RAB27B: variants seen among roughly 807,000 people sequenced by gnomAD.
RAB27B encodes the protein ras-related protein Rab-27B.
A neutral mutation model predicts 24.6 loss-of-function variants in RAB27B; 15 were observed. The ratio of observed to expected loss-of-function variants is 0.61; its 90% CI spans 0.41 to 0.94. The LOEUF (loss-of-function observed/expected upper bound fraction) is 0.94. Ranked by LOEUF, RAB27B falls within the 40% of genes least tolerant of loss-of-function variation. The pLI is 0.00. For synonymous variants in RAB27B, 105 were observed against 92.5 expected (o/e 1.14, Z -0.78); for missense variants, 261 against 266.8 (o/e 0.98, Z 0.15).
chr18:54,788,958 G>C (rs1271836093), intron 2 of RAB27B, among the ~76,000 whole-genome samples: 2 of 152,136 alleles, frequency 1.3e-5, no homozygotes, highest in Non-Finnish European at 1.5e-5. Context: ...GTGTTTAAGA[G>C]GTCACTGAAA....
chr18:54,787,728 T>TAAA (rs1263474028), intron 2 of RAB27B, among the ~76,000 whole-genome samples: 2 of 140,884 alleles, frequency 1.4e-5, no homozygotes, highest in African/African-American at 5.2e-5. Context: ...CTGACTGGAT[T>TAAA]AAAAAAAAAA....
rs577700726 is a variant in RAB27B at position 54,733,611 on chromosome 18, G to T, written c.-20+15470G>T. ...ACATTCCGTCCACTAGATTTTTCCTGTAGTACCTATAAATTTAGGTGAAAT... is the reference window on the plus strand; with the variant it reads ...ACATTCCGTCCACTAGATTTTTCCTTTAGTACCTATAAATTTAGGTGAAAT... On this transcript the variant is annotated intron_variant, in intron 2 of 4. Coordinates refer to the RAB27B transcript ENST00000586570. 4.1e-5 allele frequency among the ~76,000 whole-genome samples: 6 copies of T among 146,584 alleles called. No homozygotes were observed. The East Asian group carries it at 1.2e-3, about 30-fold the overall frequency.
chr18:54,813,824 C>T (rs542959944), intron 2 of RAB27B, among the ~76,000 whole-genome samples: 1 of 152,132 alleles, frequency 6.6e-6, no homozygotes, highest in African/African-American at 2.4e-5. Context: ...TTCAACATCC[C>T]CAGGTTATCA....
intron 2 of RAB27B, among the ~76,000 whole-genome samples, chr18:54,735,859 A>G (rs1909877336): frequency 6.6e-6 from 1 of 152,146 alleles, no homozygotes; most frequent in Non-Finnish European, 1.5e-5. Flanking sequence ...ATTTAAAAGT[A>G]AAATTAGGTA....
At chr18:54,788,253 A>C (rs145381130) in intron 2 of RAB27B, among the ~76,000 whole-genome samples, 204 of 152,314 alleles carry the variant, frequency 1.3e-3, no homozygotes, top group Non-Finnish European at 2.3e-3. Flanking sequence ...CTAATTGTAC[A>C]TGGTACTAAA....
chr18:54,778,527 A>G (rs761040205), intron 2 of RAB27B, among the ~76,000 whole-genome samples: 1 of 152,198 alleles, frequency 6.6e-6, no homozygotes, highest in Admixed American at 6.5e-5. Flanking sequence ...CGCTGAGCCC[A>G]TTTGTACTGA....
chr18:54,824,891 C>A (rs1299371555), upstream of RAB27B, among the ~76,000 whole-genome samples: 2 of 152,080 alleles, frequency 1.3e-5, no homozygotes, highest in East Asian at 1.9e-4. Flanking sequence ...GCCTGCTTCA[C>A]ACTTATTGCT....
intron 2 of RAB27B, among the ~76,000 whole-genome samples, chr18:54,803,809 A>T (rs1909684587): frequency 6.6e-6 from 1 of 152,170 alleles, no homozygotes; most frequent in Non-Finnish European, 1.5e-5. Flanking sequence ...CACTGGGTTG[A>T]TGATAATTTG....
intron 2 of RAB27B, among the ~76,000 whole-genome samples, chr18:54,809,415 G>A (rs917628734): frequency 1.3e-5 from 2 of 152,176 alleles, no homozygotes; most frequent in African/African-American, 2.4e-5. Context: ...GCCTCAGGGA[G>A]CACCTAGTCC....
chr18:54,776,543 A>G (rs1329379896), intron 2 of RAB27B, among the ~76,000 whole-genome samples: 3 of 152,216 alleles, frequency 2.0e-5, no homozygotes, highest in African/African-American at 7.2e-5. Context: ...TGCGTAAAAC[A>G]GACAACTTCT....
At chr18:54,886,431 G>T (rs184971410) in intron 4 of RAB27B, among the ~76,000 whole-genome samples, 460 of 151,992 alleles carry the variant, frequency 3.0e-3, no homozygotes, top group Non-Finnish European at 4.7e-3. Context: ...ATGCAAAATT[G>T]ATAATGTATT....
At chr18:54,838,301 G>A (rs1224202128) in intron 1 of RAB27B, among the ~76,000 whole-genome samples, 3 of 152,086 alleles carry the variant, frequency 2.0e-5, no homozygotes, top group African/African-American at 4.8e-5. Flanking sequence ...TGAAAAACAT[G>A]TCAAATGATT....
chr18:54,775,791 T>G (rs929214836), intron 2 of RAB27B, among the ~76,000 whole-genome samples: 1 of 152,200 alleles, frequency 6.6e-6, no homozygotes, highest in Non-Finnish European at 1.5e-5. Context: ...ACCTAGCCAA[T>G]TTCTAATATT....
At chr18:54,848,326 G>C (rs1289851372) in intron 1 of RAB27B, among the ~76,000 whole-genome samples, 1 of 152,122 alleles carries the variant, frequency 6.6e-6, no homozygotes, top group East Asian at 1.9e-4. Context: ...TGCATTATCA[G>C]CAATTTTTGC....
At chr18:54,761,904 G>T (rs1371002052) in intron 2 of RAB27B, among the ~76,000 whole-genome samples, 1 of 152,128 alleles carries the variant, frequency 6.6e-6, no homozygotes, top group Non-Finnish European at 1.5e-5. Flanking sequence ...CTTTATTTGG[G>T]ATTAAGTCTT....
At chr18:54,832,194 G>T (rs562872008) in intron 1 of RAB27B, among the ~76,000 whole-genome samples, 1 of 152,272 alleles carries the variant, frequency 6.6e-6, no homozygotes, top group South Asian at 2.1e-4. Context: ...CAGTGGCAAA[G>T]ATTAGGGTCA....
chr18:54,719,947 G>A (rs1909307273), intron 2 of RAB27B, among the ~76,000 whole-genome samples: 1 of 151,990 alleles, frequency 6.6e-6, no homozygotes, highest in African/African-American at 2.4e-5. Flanking sequence ...TTCATTTTAT[G>A]TTAAGTATAA....
chr18:54,785,171 G>T (rs183038709), intron 2 of RAB27B, among the ~76,000 whole-genome samples: 1 of 151,678 alleles, frequency 6.6e-6, no homozygotes, highest in South Asian at 2.1e-4. Context: ...GCAAAATCTC[G>T]GCTCACTGCA....
intron 2 of RAB27B, among the ~76,000 whole-genome samples, chr18:54,778,481 T>C (rs1908785555): frequency 6.6e-6 from 1 of 152,208 alleles, no homozygotes; most frequent in Non-Finnish European, 1.5e-5. Flanking sequence ...AGACAACTTT[T>C]GATGAAACCA....
Sources: allele counts gnomAD v4.1 joint callset (sites outside exome capture counted in the v4.1 genomes callset), GRCh38; gene constraint gnomAD v4.1.1; transcripts MANE v1.5; gene names NCBI Gene and HGNC (gene_info 2026-07-23, HGNC 2026-07-21).